LPP: variants seen among roughly 807,000 people sequenced by gnomAD.
LPP encodes the protein lipoma-preferred partner.
LPP carries 38 observed loss-of-function variants against 60.4 expected under a neutral mutation model. That is an observed-to-expected ratio of 0.63 (90% CI 0.49 to 0.83). The LOEUF is 0.83. Ranked by LOEUF, LPP falls within the 40% of genes least tolerant of loss-of-function variation. The probability of loss-of-function intolerance (pLI) is 0.00; values close to 1 mark genes in which losing one functional copy is unlikely to be tolerated. For synonymous variants in LPP, 328 were observed against 290.8 expected, an observed-to-expected ratio of 1.13 and a Z score of -1.30; for missense variants, 902 against 783.6, an observed-to-expected ratio of 1.15 and a Z score of -1.80.
intron 3 of LPP, among the ~76,000 whole-genome samples, chr3:188,360,408 C>T (rs139451635): frequency 8.7e-4 from 132 of 152,052 alleles, no homozygotes; most frequent in African/African-American, 3.1e-3. Flanking sequence ...TCTTCCTTGC[C>T]TCCTTCTCTC....
At position 188,609,855 on chromosome 3, in the gene LPP, CAGTAACATA is replaced by C. The variant is rs775335029; in HGVS notation, c.1113+14_1113+22del. The C allele has an allele frequency of 1.2e-6, 2 of 1,601,688 alleles. No homozygotes were observed. The highest frequency in any genetic ancestry group is 2.2e-5 in the South Asian group (2 of 89,100). On this transcript the variant is annotated intron_variant, in intron 7 of 11. Coordinates refer to ENST00000617246, the MANE Select transcript of LPP (RefSeq NM_001375462.1). The surrounding 1 kb of genome is among the most constrained non-coding windows in gnomAD (Gnocchi z 6.9). ...CCATTGCAGCCAAAGGTAAGAAACT[CAGTAACATA>C]AGGAGGAGAATACAGGGGTGCCTAT...
At chr3:188,662,754 A>G (rs1419808573) in intron 7 of LPP, among the ~76,000 whole-genome samples, 1 of 152,242 alleles carries the variant, frequency 6.6e-6, no homozygotes, top group Non-Finnish European at 1.5e-5. Flanking sequence ...CATATTGCCT[A>G]TATCTAATTT....
At chr3:188,441,379 T>C (rs1394316465) in intron 4 of LPP, among the ~76,000 whole-genome samples, 1 of 152,006 alleles carries the variant, frequency 6.6e-6, no homozygotes, top group Non-Finnish European at 1.5e-5. Context: ...TGTTTATGTA[T>C]TCTTTTGTAG....
chr3:188,735,089 T>G (rs1490511641), intron 8 of LPP, among the ~76,000 whole-genome samples: 1 of 152,202 alleles, frequency 6.6e-6, no homozygotes. Context: ...AACATACTGT[T>G]GACCCTGATT....
At chr3:188,491,049 C>T (rs761973749) in intron 5 of LPP, among the ~76,000 whole-genome samples, 2 of 151,962 alleles carry the variant, frequency 1.3e-5, no homozygotes, top group East Asian at 1.9e-4. Context: ...CGTGAGCCAC[C>T]GCGCCTGGCC....
At chr3:188,493,551 C>T (rs971940649) in intron 5 of LPP, among the ~76,000 whole-genome samples, 1 of 152,104 alleles carries the variant, frequency 6.6e-6, no homozygotes, top group East Asian at 1.9e-4. Context: ...GCCTCAACCT[C>T]CTAAGTAGCT....
At chr3:188,229,849 G>A (rs1045881022) in intron 2 of LPP, among the ~76,000 whole-genome samples, 2 of 152,164 alleles carry the variant, frequency 1.3e-5, no homozygotes, top group Non-Finnish European at 2.9e-5. Context: ...ATGAGTTGCT[G>A]TGTGGTAGAC....
rs75195108 is a variant in LPP, at chr3:188,414,977, T to A, written c.193+8664T>A. 4.5e-3 allele frequency among the ~76,000 whole-genome samples: 689 copies of A among 152,300 alleles called. 6 individuals are homozygous for A. Among genetic ancestry groups the A allele is most frequent in the African/African-American group, 0.016 (662 of 41,574 alleles). On this transcript the variant is annotated intron_variant, in intron 4 of 11. Coordinates refer to ENST00000617246, the MANE Select transcript of LPP (RefSeq NM_001375462.1). ...TTAGAACAAGGAGAAGTCCCTGTAT[T>A]GTTGACAGAAATCTCTTTTATTTTG...
chr3:188,409,141 C>A (rs574202110), intron 4 of LPP, among the ~76,000 whole-genome samples: 1 of 152,256 alleles, frequency 6.6e-6, no homozygotes, highest in Admixed American at 6.5e-5. Context: ...GAGTGCACTG[C>A]TCAGTGATGC....
chr3:188,759,834 G>A (rs1443323669), intron 8 of LPP, among the ~76,000 whole-genome samples: 1 of 152,102 alleles, frequency 6.6e-6, no homozygotes, highest in African/African-American at 2.4e-5. Context: ...CAAAGCCAGC[G>A]ACCGGGTTCT....
At chr3:188,367,136 T>G (rs1010836302) in intron 3 of LPP, among the ~76,000 whole-genome samples, 1 of 152,078 alleles carries the variant, frequency 6.6e-6, no homozygotes, top group Non-Finnish European at 1.5e-5. Context: ...GACCTCATGA[T>G]CCACCCACCT....
At chr3:188,858,070 T>C (rs1017191432) in intron 9 of LPP, among the ~76,000 whole-genome samples, 2 of 152,092 alleles carry the variant, frequency 1.3e-5, no homozygotes, top group East Asian at 1.9e-4. Context: ...GTCAAGAAAA[T>C]TGCCTAGCTT....
In LPP at chr3:188,425,078, G is replaced by A. The variant is rs531355027; in HGVS notation, c.193+18765G>A. On this transcript the variant is annotated intron_variant, in intron 4 of 11. Transcript: ENST00000617246. ...CCCATTTAGTATGATATTGGCTGTGGGTTTGTCATAAATAGCTCTTATTAT... is the reference window on the plus strand; with the variant it reads ...CCCATTTAGTATGATATTGGCTGTGAGTTTGTCATAAATAGCTCTTATTAT... Among the ~76,000 whole-genome samples the A allele has an allele frequency of 9.9e-5, 15 of 152,176 alleles. No individual in the cohort carries two copies. In the South Asian group the frequency reaches 2.9e-3, roughly 29 times the overall value.
intron 1 of LPP, among the ~76,000 whole-genome samples, chr3:188,205,743 G>T (rs1733023365): frequency 6.6e-6 from 1 of 152,162 alleles, no homozygotes; most frequent in Admixed American, 6.5e-5. Context: ...GACCTGGAAG[G>T]TACTATGAAG....
chr3:188,331,373 C>A (rs1237119971), intron 2 of LPP, among the ~76,000 whole-genome samples: 1 of 152,158 alleles, frequency 6.6e-6, no homozygotes, highest in Non-Finnish European at 1.5e-5. Context: ...GGCTATGTAG[C>A]CTCCACTTGA....
chr3:188,731,613 C>G (rs1012362862), intron 8 of LPP, among the ~76,000 whole-genome samples: 3 of 151,340 alleles, frequency 2.0e-5, no homozygotes, highest in Admixed American at 2.0e-4. Flanking sequence ...ACCTCCGCCT[C>G]CTGGGTTCAA....
At chr3:188,198,321 A>T (rs932160099) in intron 1 of LPP, among the ~76,000 whole-genome samples, 27 of 152,212 alleles carry the variant, frequency 1.8e-4, no homozygotes, top group African/African-American at 6.3e-4. Flanking sequence ...GAAATGATAG[A>T]AACTTTCCTT....
At chr3:188,240,770 A>C (rs2149457697) in intron 2 of LPP, among the ~76,000 whole-genome samples, 1 of 152,196 alleles carries the variant, frequency 6.6e-6, no homozygotes, top group South Asian at 2.1e-4. Context: ...GGGAGGGGCG[A>C]GCTCCAAATG....
At chr3:188,810,469 A>AAGAG (rs34911668) in intron 9 of LPP, among the ~76,000 whole-genome samples, 16 of 150,230 alleles carry the variant, frequency 1.1e-4, no homozygotes, top group Non-Finnish European at 2.4e-4. Context: ...AAGAGAGAGA[A>AAGAG]AGAGAGAGAG....
Sources: gnomAD v4.1 joint callset for allele counts (sites outside exome capture counted in the v4.1 genomes callset) on GRCh38, gnomAD v4.1.1 for gene constraint, Gnocchi (gnomAD v3.1) non-coding constraint, MANE v1.5 for transcripts, NCBI Gene and HGNC (gene_info 2026-07-23, HGNC 2026-07-21) for gene names.